Variants in WDR62 observed in about 807,000 individuals in gnomAD.
The protein encoded by WDR62 is WD repeat-containing protein 62.
In WDR62, 112 loss-of-function variants were observed where a neutral mutation model predicts 160.6. The observed-to-expected ratio is 0.70, with a 90% confidence interval of 0.60 to 0.82. WDR62 has a LOEUF of 0.82. Among genes scored for constraint, WDR62 ranks in the 40% least tolerant of loss-of-function variants. WDR62 has a pLI of 0.00. For synonymous variants in WDR62, 792 were observed against 815.1 expected, an observed-to-expected ratio of 0.97 and a Z score of 0.48; for missense variants, 1,819 against 1,983.8, an observed-to-expected ratio of 0.92 and a Z score of 1.58.
intron 21 of WDR62, 57 bp from the exon 22 acceptor site, chr19:36,099,342 G>A (rs746932966): frequency 4.9e-5 from 73 of 1,478,364 alleles, no homozygotes; most frequent in South Asian, 6.9e-5. Flanking sequence ...TGTCCGTGTC[G>A]CTCCCTGCAG....
downstream of WDR62, chr19:36,105,202 C>CT: frequency 1.2e-6 from 1 of 814,428 alleles, no homozygotes; most frequent in Non-Finnish European, 1.9e-6. Flanking sequence ...GGACTCGTGT[C>CT]TGTCAGTGGA....
chr19:36,063,021 ACT>A (rs1217395784), intron 3 of WDR62, among the ~76,000 whole-genome samples: 1 of 150,390 alleles, frequency 6.6e-6, no homozygotes, highest in Non-Finnish European at 1.5e-5. Flanking sequence ...ATCCTGGCTC[ACT>A]GCAACCTGAC....
chr19:36,060,389 AGACCTGAAG>A (rs1555710477), intron 3 of WDR62: 1 of 290,234 alleles, frequency 3.4e-6, no homozygotes, highest in Non-Finnish European at 6.7e-6. Flanking sequence ...CTTGACTCTG[AGACCTGAAG>A]GAAGCGAGAG....
At chr19:36,101,401 C>A in intron 24 of WDR62, 84 bp downstream of exon 24, 1 of 1,224,560 alleles carries the variant, frequency 8.2e-7, no homozygotes, top group Non-Finnish European at 1.2e-6. Flanking sequence ...GACTTTGACC[C>A]AGTACTGAAG....
chr19:36,092,396 A>T (rs1285234061), intron 18 of WDR62, among the ~76,000 whole-genome samples: 2 of 152,086 alleles, frequency 1.3e-5, no homozygotes, highest in Non-Finnish European at 2.9e-5. Flanking sequence ...TACTCAAGGA[A>T]GTCCCTTTTG....
rs371330447 is a variant in WDR62 at position 36,067,297 on chromosome 19, T to C, written c.562-9T>C. On this transcript the variant is annotated splice_polypyrimidine_tract_variant and intron_variant, in intron 5 of 31. Transcript: ENST00000401500. ...GCTGGCATGAGCTTCTCTGCACTTATTCTTCCAGAAAGACATCGTAGTGGC... is the reference window on the plus strand; with the variant it reads ...GCTGGCATGAGCTTCTCTGCACTTACTCTTCCAGAAAGACATCGTAGTGGC... 6.2e-6 allele frequency: 10 copies of C among 1,614,172 alleles called. No homozygotes were observed. The highest frequency in any genetic ancestry group is 1.7e-5 in the Admixed American group (1 of 60,036).
At chr19:36,084,918 A>G (rs1972121556) in intron 12 of WDR62, among the ~76,000 whole-genome samples, 174 bp downstream of exon 12, 1 of 152,120 alleles carries the variant, frequency 6.6e-6, no homozygotes. Context: ...GGACTTCAGA[A>G]AGCAAGACAC....
rs751685706 is a variant in WDR62 at position 36,067,282 on chromosome 19, G to A, written c.562-24G>A. On this transcript the variant is annotated intron_variant, in intron 5 of 31. Coordinates refer to ENST00000401500, the MANE Select transcript of WDR62 (RefSeq NM_001083961.2). ...TCCAGTGGAATGAGTGCTGGCATGA[G>A]CTTCTCTGCACTTATTCTTCCAGAA... 11 of 1,613,998 alleles carry A rather than the reference G, an allele frequency of 6.8e-6. No individual in the cohort carries two copies. The South Asian group carries it at 7.7e-5, about 11-fold the overall frequency.
intron 26 of WDR62, 177 bp from the exon 27 acceptor site, chr19:36,102,560 C>T: frequency 1.1e-5 from 7 of 633,276 alleles, no homozygotes; most frequent in Non-Finnish European, 1.9e-5. Context: ...CGTGCCCGGC[C>T]CACTGCTTCA....
chr19:36,058,714 C>T, intron 1 of WDR62, 66 bp from the exon 2 acceptor site: 2 of 1,362,162 alleles, frequency 1.5e-6, no homozygotes, highest in South Asian at 1.2e-5. Context: ...AATGGGTGGC[C>T]AAGGCGGCTG....
At chr19:36,055,518 T>G (rs965492742) in intron 1 of WDR62, among the ~76,000 whole-genome samples, 1 of 152,186 alleles carries the variant, frequency 6.6e-6, no homozygotes, top group African/African-American at 2.4e-5. Flanking sequence ...GCTGAGTCAT[T>G]AAGGTCCCTT....
chr19:36,101,702 G>T lies in WDR62; in HGVS notation c.3010G>T (p.Ala1004Ser), dbSNP rs370416793. The T allele has an allele frequency of 1.3e-6, 2 of 1,550,982 alleles. No homozygotes were observed. The highest frequency in any genetic ancestry group is 1.7e-6 in the Non-Finnish European group (2 of 1,146,990). ...ESEADLECSF[A>S]AIHSPAPPPD... ...AGAGGCCGACCTGGAGTGCAGCTTC[G>T]CAGCCATCCACTCCCCAGCTCCGCC... The change falls in exon 25 of 32, where the codon GCA becomes TCA. Residue 1004 changes from alanine to serine, a missense_variant. Physicochemically the swap from Ala to Ser is moderately conservative, Grantham distance 99. This residue lies in a region of WDR62 where 770 missense variants were observed against 734.2 expected (regional missense o/e 1.05). Coordinates refer to ENST00000401500, the MANE Select transcript of WDR62 (RefSeq NM_001083961.2).
intron 3 of WDR62, among the ~76,000 whole-genome samples, chr19:36,063,236 C>A (rs1970757292): frequency 6.6e-6 from 1 of 151,512 alleles, no homozygotes; most frequent in Non-Finnish European, 1.5e-5. Context: ...AGCCACAGCA[C>A]CTGGCCACTT....
At chr19:36,066,530 C>T in intron 5 of WDR62, 103 bp downstream of exon 5, 1 of 1,316,302 alleles carries the variant, frequency 7.6e-7, no homozygotes, top group Non-Finnish European at 1.1e-6. Flanking sequence ...AAAGTGCTCA[C>T]TCACCCAACA....
At chr19:36,089,873 C>T (rs1258974413) in intron 15 of WDR62, among the ~76,000 whole-genome samples, 9 of 152,236 alleles carry the variant, frequency 5.9e-5, no homozygotes, top group African/African-American at 2.2e-4. Flanking sequence ...TAAACTCCCT[C>T]ATTCACCCGT....
chr19:36,079,174 T>TA (rs1229692830), intron 9 of WDR62, among the ~76,000 whole-genome samples: 1 of 152,110 alleles, frequency 6.6e-6, no homozygotes, highest in African/African-American at 2.4e-5. Context: ...CTCAACCTCA[T>TA]AGGCACAAGC....
chr19:36,058,891 G>A lies in WDR62; in HGVS notation c.269+20G>A, dbSNP rs1044499399. On this transcript the variant is annotated intron_variant, in intron 2 of 31. Coordinates refer to ENST00000401500, the MANE Select transcript of WDR62 (RefSeq NM_001083961.2). ...GGCAGGGTAAGCAGATAAGGGCCTC[G>A]ACGTCTAATCATTGCTAGGGAATTT... 6.9e-6 allele frequency: 11 copies of A among 1,596,092 alleles called. No homozygotes were observed. The highest frequency in any genetic ancestry group is 2.7e-5 in the African/African-American group (2 of 74,758).
rs142600079 is a variant in WDR62, at chr19:36,105,020, G to C, written c.4564G>C (p.Gly1522Arg). 1 of 1,597,910 alleles carries C rather than the reference G, an allele frequency of 6.3e-7. No homozygotes were observed. The highest frequency in any genetic ancestry group is 8.5e-7 in the Non-Finnish European group (1 of 1,177,290). Residue 1522 changes from glycine (G) to arginine (R), a missense_variant, in exon 32 of 32, where the codon GGG (glycine) becomes CGG (arginine). Physicochemically the swap from Gly to Arg is moderately radical, Grantham distance 125 (BLOSUM62 -2). Around this residue, in one of 3 missense-constraint regions of WDR62, gnomAD observed 770 missense variants for 734.2 expected, o/e 1.05. Coordinates refer to ENST00000401500, the MANE Select transcript of WDR62 (RefSeq NM_001083961.2). ...LVQAVRRKAR[G>R]H ...GCAGGCCGTGCGGAGGAAGGCACGG[G>C]GGCACTGAGGGCGCAGCCCCTCCAC...
intron 5 of WDR62, 96 bp downstream of exon 5, chr19:36,066,523 G>A: frequency 1.4e-6 from 2 of 1,395,250 alleles, no homozygotes; most frequent in Non-Finnish European, 2.0e-6. Flanking sequence ...ACGCAGTAAA[G>A]TGCTCACTCA....
Sources: gnomAD v4.1 joint callset for allele counts (sites outside exome capture counted in the v4.1 genomes callset) on GRCh38, gnomAD v4.1.1 for gene constraint, gnomAD v4.1.1 regional missense constraint, MANE v1.5 for transcripts, NCBI Gene and HGNC (gene_info 2026-07-23, HGNC 2026-07-21) for gene names.